TF: variants seen among roughly 807,000 people sequenced by gnomAD.
TF encodes the protein transferrin.
Under a neutral mutation model 82.4 loss-of-function variants are expected in TF, and 55 were observed. The observed-to-expected ratio is 0.67, with a 90% confidence interval of 0.54 to 0.84. The LOEUF (loss-of-function observed/expected upper bound fraction) is 0.84. TF is among the 40% of genes least tolerant of loss of function. The probability of loss-of-function intolerance (pLI) is 0.00; values close to 1 mark genes in which losing one functional copy is unlikely to be tolerated. For synonymous variants in TF, 332 were observed against 332.6 expected (o/e 1.00, Z 0.02); for missense variants, 737 against 868.4 (o/e 0.85, Z 1.90).
In TF at chr3:133,757,876, C is replaced by A. The variant is rs761104997; in HGVS notation, c.978C>A (p.Pro326=). ...CCCACGGGTTTTTAAAAGTCCCCCC[C>A]AGGATGGATGCCAAGATGTACCTGG... ...DSAHGFLKVP[P]RMDAKMYLGY... is the part of the protein sequence containing the mutation. Residue 326 remains proline, a synonymous_variant, in exon 8 of 17, where the codon CCC becomes CCA. Transcript: ENST00000402696. The A allele has an allele frequency of 6.2e-7, 1 of 1,614,216 alleles. No homozygotes were observed. Among genetic ancestry groups the A allele is most frequent in the Non-Finnish European group, 8.5e-7 (1 of 1,180,040 alleles).
the TF span, chr3:133,700,002 C>T: frequency 3.4e-5 from 6 of 177,664 alleles, no homozygotes; most frequent in Admixed American, 1.7e-4. Flanking sequence ...TCTGCCAACG[C>T]TCTCTCCTTA....
intron 4 of TF, 80 bp from the exon 5 acceptor site, chr3:133,755,283 G>C: frequency 6.2e-7 from 1 of 1,603,712 alleles, no homozygotes; most frequent in African/African-American, 1.3e-5. Context: ...TCTGTTCCCT[G>C]ATGGGCCTGG....
chr3:133,786,499 C>T lies in TF; in HGVS notation c.*7879C>T, dbSNP rs1048565549. On this transcript the variant is annotated 3_prime_UTR_variant, in exon 17 of 17. Coordinates refer to ENST00000402696, the MANE Select transcript of TF (RefSeq NM_001063.4). Reference sequence around the variant, plus strand: ...ATAGTGAGGCAAGGTTAACCATTGTCTCATGCCTGGGCATTTTGTTTTACT... The same window carrying T: ...ATAGTGAGGCAAGGTTAACCATTGTTTCATGCCTGGGCATTTTGTTTTACT... 3 of 152,160 alleles carry T rather than the reference C, an allele frequency of 2.0e-5. No homozygotes were observed. The highest frequency in any genetic ancestry group is 7.2e-5 in the African/African-American group (3 of 41,418). The allele number at this position is 152,160 out of a possible 1,614,324, so 9.4% of individuals were successfully genotyped here.
At chr3:133,682,373 A>G in the TF span, among the ~76,000 whole-genome samples, 1 of 152,196 alleles carries the variant, frequency 6.6e-6, no homozygotes, top group African/African-American at 2.4e-5. Flanking sequence ...GAGTTGAGAG[A>G]AGAAGGCTTC....
the TF span, chr3:133,662,042 T>C: frequency 6.6e-6 from 1 of 152,230 alleles, no homozygotes; most frequent in African/African-American, 2.4e-5. Flanking sequence ...AGGTGAGCAG[T>C]CTGTGGGCGG....
chr3:133,704,752 C>T, the TF span, among the ~76,000 whole-genome samples: 1 of 152,326 alleles, frequency 6.6e-6, no homozygotes, highest in East Asian at 1.9e-4. Context: ...GCCACATGTG[C>T]TCATGATCCT....
At chr3:133,776,491 A>G (rs923475096) in intron 15 of TF, among the ~76,000 whole-genome samples, 1 of 152,362 alleles carries the variant, frequency 6.6e-6, no homozygotes. Flanking sequence ...TGACAATAAT[A>G]AGCATTTAAC....
At chr3:133,723,869 T>C in the TF span, among the ~76,000 whole-genome samples, 1 of 151,928 alleles carries the variant, frequency 6.6e-6, no homozygotes, top group African/African-American at 2.4e-5. Context: ...TGTGTTCTCA[T>C]TGTTCAATTC....
chr3:133,755,903 A>C, intron 5 of TF: 1 of 424,588 alleles, frequency 2.4e-6, no homozygotes, highest in East Asian at 4.8e-5. Context: ...CACCGTCTCT[A>C]TCTGGGAAGC....
At chr3:133,770,482 T>C (rs1395992094) in intron 13 of TF, 26 bp from the exon 14 acceptor site, 30 of 1,613,556 alleles carry the variant, frequency 1.9e-5, no homozygotes, top group Non-Finnish European at 2.5e-5. Context: ...CCTTTTTTTT[T>C]CTCTCCCACT....
the TF span, among the ~76,000 whole-genome samples, chr3:133,689,882 GACAAATAATAATTGTACATAT>G: frequency 6.6e-6 from 1 of 152,004 alleles, no homozygotes; most frequent in Admixed American, 6.6e-5. Flanking sequence ...ATTTTTATTT[GACAAATAATAATTGTACATAT>G]TTATGGGGTA....
chr3:133,725,916 A>C, the TF span, among the ~76,000 whole-genome samples: 1 of 152,178 alleles, frequency 6.6e-6, no homozygotes, highest in Non-Finnish European at 1.5e-5. Flanking sequence ...TGAGATAATC[A>C]TGTGGTTTTT....
chr3:133,746,773 C>T (rs1933514365), intron 1 of TF, among the ~76,000 whole-genome samples: 1 of 152,230 alleles, frequency 6.6e-6, no homozygotes, highest in Non-Finnish European at 1.5e-5. Context: ...AAACCCTTTG[C>T]TGCTGCCTCT....
At chr3:133,760,171 A>G (rs1933951711) in intron 9 of TF, 1 of 152,152 alleles carries the variant, frequency 6.6e-6, no homozygotes, top group South Asian at 2.1e-4. Flanking sequence ...CCATTTGGCT[A>G]TTCTTGAGTT....
chr3:133,737,920 T>A, the TF span, among the ~76,000 whole-genome samples: 1 of 152,020 alleles, frequency 6.6e-6, no homozygotes, highest in Admixed American at 6.6e-5. Flanking sequence ...CTGAAACTAT[T>A]CCAAACCATA....
the TF span, among the ~76,000 whole-genome samples, chr3:133,708,688 A>G: frequency 6.6e-6 from 1 of 150,808 alleles, no homozygotes; most frequent in South Asian, 2.1e-4. Context: ...GTGTGTATTT[A>G]TAAATATGTA....
chr3:133,764,977 T>G, intron 11 of TF, 70 bp downstream of exon 11: 1 of 1,545,230 alleles, frequency 6.5e-7, no homozygotes, highest in Admixed American at 1.7e-5. Flanking sequence ...TGGTTAGATT[T>G]AAAATTCAAG....
In TF at chr3:133,789,866, C is replaced by T. The variant is rs965912402; in HGVS notation, c.*11246C>T. 12 of 129,144 alleles carry T rather than the reference C, an allele frequency of 9.3e-5. No individual in the cohort carries two copies. The highest frequency in any genetic ancestry group is 2.8e-4 in the African/African-American group (9 of 32,670). 8.0% of individuals were successfully genotyped at this position (129,144 alleles called of 1,614,324 possible). A position where few individuals can be genotyped will look rare whatever the true frequency, so the allele number is the denominator to read the frequency against. On this transcript the variant is annotated 3_prime_UTR_variant, in exon 17 of 17. Transcript: ENST00000402696. Reference sequence around the variant, plus strand: ...AACTATAAACCCAGCCAAAACAAAACGATCTCGTTTGCGTTTTTTTTTTTT... The same window carrying T: ...AACTATAAACCCAGCCAAAACAAAATGATCTCGTTTGCGTTTTTTTTTTTT...
At chr3:133,722,876 T>A in the TF span, among the ~76,000 whole-genome samples, 3 of 152,360 alleles carry the variant, frequency 2.0e-5, no homozygotes, top group South Asian at 2.1e-4. Flanking sequence ...AAGTTTTATA[T>A]TTTAATGTGT....
Sources: gnomAD v4.1 joint callset for allele counts (sites outside exome capture counted in the v4.1 genomes callset) on GRCh38, gnomAD v4.1.1 for gene constraint, MANE v1.5 for transcripts, NCBI Gene and HGNC (gene_info 2026-07-23, HGNC 2026-07-21) for gene names.